The following ZFP64 variants were observed in gnomAD, a reference collection of about 807,000 sequenced individuals.
The protein encoded by ZFP64 is ZFP64 zinc finger protein.
In ZFP64, 14 loss-of-function variants were observed where a neutral mutation model predicts 51.6. The observed-to-expected ratio is 0.27, with a 90% CI of 0.18 to 0.42. The LOEUF (loss-of-function observed/expected upper bound fraction) is 0.42, where lower values mean the gene tolerates loss of function less well. Among genes scored for constraint, ZFP64 ranks in the 10% least tolerant of loss-of-function variants. The pLI, the probability that ZFP64 is intolerant of heterozygous loss-of-function variation, is 1.00. For synonymous variants in ZFP64, 375 were observed against 361.4 expected, an observed-to-expected ratio of 1.04 and a Z score of -0.43; for missense variants, 754 against 906.8, an observed-to-expected ratio of 0.83 and a Z score of 2.16.
intron 5 of ZFP64, among the ~76,000 whole-genome samples, chr20:52,135,556 G>T (rs577472026): frequency 6.6e-6 from 1 of 152,034 alleles, no homozygotes; most frequent in Non-Finnish European, 1.5e-5. Context: ...CATGGCTTAC[G>T]GCTCACTGCA....
chr20:52,098,336 GCAAA>G (rs1267717253), intron 6 of ZFP64: 9 of 1,510,498 alleles, frequency 6.0e-6, no homozygotes, highest in Non-Finnish European at 7.2e-6. Flanking sequence ...CATGTTGTCA[GCAAA>G]CAAGAGTAAC....
chr20:52,117,762 A>C (rs1046754426), intron 5 of ZFP64: 2 of 430,214 alleles, frequency 4.6e-6, no homozygotes, highest in African/African-American at 4.1e-5. Context: ...ATGCCAAGCT[A>C]TACCATTATC....
chr20:52,117,358 C>T (rs951200011), intron 5 of ZFP64, among the ~76,000 whole-genome samples: 1 of 152,122 alleles, frequency 6.6e-6, no homozygotes, highest in African/African-American at 2.4e-5. Flanking sequence ...GTGGCTCACA[C>T]CTGTAGTCCC....
At chr20:52,163,491 T>C (rs566105333) in intron 4 of ZFP64, among the ~76,000 whole-genome samples, 1 of 152,358 alleles carries the variant, frequency 6.6e-6, no homozygotes, top group Non-Finnish European at 1.5e-5. Flanking sequence ...CTTATTACAC[T>C]AGAACGCTTA....
intron 7 of ZFP64, among the ~76,000 whole-genome samples, chr20:52,090,677 T>C (rs1227757551): frequency 6.6e-6 from 1 of 151,864 alleles, no homozygotes; most frequent in East Asian, 1.9e-4. Flanking sequence ...TGCACACCTG[T>C]AATCCCAACT....
At chr20:52,161,596 T>C (rs1159447319) in intron 4 of ZFP64, among the ~76,000 whole-genome samples, 1 of 152,092 alleles carries the variant, frequency 6.6e-6, no homozygotes, top group Non-Finnish European at 1.5e-5. Flanking sequence ...ACTGTATGGA[T>C]GTGCATAAAT....
intron 2 of ZFP64, among the ~76,000 whole-genome samples, chr20:52,176,666 C>G (rs1413933826): frequency 2.6e-5 from 4 of 151,716 alleles, no homozygotes; most frequent in Non-Finnish European, 5.9e-5. Context: ...CCCGCCACCG[C>G]GCCCGGCTAA....
rs918447410 is a variant in ZFP64 at position 52,160,897 on chromosome 20, C to T, written c.512-523G>A. On this transcript the variant is annotated intron_variant, in intron 4 of 5. Transcript: ENST00000216923. This position sits in a 1 kb window ranked among gnomAD's most constrained non-coding sequence, Gnocchi z 4.2. ...AGTGTGTCTCTTTCACAAGAGGAAA[C>T]GGCTTGCCTTTTACATTTTCTCTTT... Among the ~76,000 whole-genome samples, 17 of 152,262 alleles carry T rather than the reference C, an allele frequency of 1.1e-4. No homozygotes were observed. The highest frequency in any genetic ancestry group is 6.2e-4 in the South Asian group (3 of 4,828).
chr20:52,137,655 A>G (rs1253730394), intron 5 of ZFP64, among the ~76,000 whole-genome samples: 1 of 152,180 alleles, frequency 6.6e-6, no homozygotes, highest in Non-Finnish European at 1.5e-5. Context: ...TCAATTGGGA[A>G]TTTGAATGTA....
chr20:52,175,850 G>T (rs1337074095), intron 2 of ZFP64: 3 of 94,628 alleles, frequency 3.2e-5, no homozygotes, highest in Non-Finnish European at 5.7e-5. Flanking sequence ...CCTTCCCCCC[G>T]CACCCCCGCT....
At chr20:52,164,596 G>GA in intron 4 of ZFP64, 99 bp downstream of exon 4, 1 of 990,006 alleles carries the variant, frequency 1.0e-6, no homozygotes, top group East Asian at 2.4e-5. Flanking sequence ...AACAGCCAGT[G>GA]ACGTTTGGAG....
chr20:52,152,940 TG>T lies in ZFP64; in HGVS notation c.1251del (p.Lys418SerfsTer41). The stretch of plus-strand genomic sequence containing the variant: ...TGGAAACTCTTCTTGGCATCCAGCT[TG>T]GCCACCTGCCGGCTGCTCTGCCTGC... The part of the protein sequence containing the change: ...DTGRQSSRQV[A>X]KLDAKKSFHC... On this transcript the variant is annotated frameshift_variant, in exon 6 of 6. Transcript: ENST00000216923. LOFTEE classifies it high-confidence loss of function. The T allele has an allele frequency of 6.2e-7, 1 of 1,613,796 alleles. No individual in the cohort carries two copies. Among genetic ancestry groups the T allele is most frequent in the Non-Finnish European group, 8.5e-7 (1 of 1,180,036 alleles).
chr20:52,160,783 ACC>A lies in ZFP64; in HGVS notation c.512-411_512-410del, dbSNP rs1284546621. Among the ~76,000 whole-genome samples, 2 of 152,246 alleles carry A rather than the reference ACC, an allele frequency of 1.3e-5. No homozygotes were observed. The highest frequency in any genetic ancestry group is 2.9e-5 in the Non-Finnish European group (2 of 68,044). Reference sequence around the variant, plus strand: ...TAAGTTTCAGCAGAGTTCATGGCTCACCAGGGAAAGATTACACTTCTCAGCCT... The same window carrying A: ...TAAGTTTCAGCAGAGTTCATGGCTCAAGGGAAAGATTACACTTCTCAGCCT... On this transcript the variant is annotated intron_variant, in intron 4 of 5. Coordinates refer to ENST00000216923, the MANE Select transcript of ZFP64 (RefSeq NM_018197.3). The surrounding 1 kb of genome is among the most constrained non-coding windows in gnomAD (Gnocchi z 4.2).
intron 5 of ZFP64, chr20:52,111,171 T>A (rs1346822251): frequency 4.7e-6 from 3 of 643,180 alleles, no homozygotes; most frequent in Non-Finnish European, 8.3e-6. Flanking sequence ...GAAGCCGTAG[T>A]GGAGAACGCC....
chr20:52,098,343 A>G (rs1350668800), intron 6 of ZFP64: 19 of 1,534,718 alleles, frequency 1.2e-5, no homozygotes, highest in African/African-American at 4.1e-5. Context: ...TCAGCAAACA[A>G]GAGTAACATG....
chr20:52,189,759 C>T (rs1984242717), intron 1 of ZFP64, among the ~76,000 whole-genome samples: 1 of 152,124 alleles, frequency 6.6e-6, no homozygotes, highest in African/African-American at 2.4e-5. Context: ...CAGGCGTGAG[C>T]CACCGTGCCT....
intron 2 of ZFP64, among the ~76,000 whole-genome samples, chr20:52,173,220 CAAT>C (rs1179520648): frequency 2.0e-5 from 3 of 152,070 alleles, no homozygotes; most frequent in Non-Finnish European, 4.4e-5. Flanking sequence ...TTTTAAATGA[CAAT>C]GTTTATTTTT....
intron 5 of ZFP64, among the ~76,000 whole-genome samples, chr20:52,139,220 C>G (rs1980132915): frequency 6.6e-6 from 1 of 152,196 alleles, no homozygotes; most frequent in Non-Finnish European, 1.5e-5. Context: ...ACGTTCATCG[C>G]AGCACTATTC....
At position 52,191,664 on chromosome 20, in the gene ZFP64, G is replaced by C; in HGVS notation, c.-28C>G. The C allele has an allele frequency of 6.4e-7, 1 of 1,572,338 alleles. No individual in the cohort carries two copies. The highest frequency in any genetic ancestry group is 8.6e-7 in the Non-Finnish European group (1 of 1,163,178). On this transcript the variant is annotated 5_prime_UTR_variant, in exon 1 of 6. Coordinates refer to ENST00000216923, the MANE Select transcript of ZFP64 (RefSeq NM_018197.3). The surrounding 1 kb of genome is among the most constrained non-coding windows in gnomAD (Gnocchi z 4.3). ...CCGCAGACTGGGAGGTCCCCGGCCG[G>C]CCGGGATGCCAAAGTGGGGGACGCT... is the stretch of plus-strand genomic sequence containing the variant.
Sources: gnomAD v4.1 joint callset for allele counts (sites outside exome capture counted in the v4.1 genomes callset) on GRCh38, gnomAD v4.1.1 for gene constraint, Gnocchi (gnomAD v3.1) non-coding constraint, MANE v1.5 for transcripts, NCBI Gene and HGNC (gene_info 2026-07-23, HGNC 2026-07-21) for gene names.